Variants in CEP44 observed in about 807,000 individuals in gnomAD.
The protein encoded by CEP44 is centrosomal protein 44, also known as centrosomal protein of 44 kDa.
CEP44 carries 45 observed loss-of-function variants against 46.7 expected under a neutral mutation model. The ratio of observed to expected loss-of-function variants is 0.96; its 90% confidence interval spans 0.76 to 1.24. The LOEUF is 1.24. Among genes scored for constraint, CEP44 ranks in the 50% most tolerant of loss-of-function variants. The pLI is 0.00. For synonymous variants in CEP44, 142 were observed against 146.0 expected (o/e 0.97, Z 0.20); for missense variants, 475 against 459.7 (o/e 1.03, Z -0.30).
Position 174,319,730 on chromosome 4 carries a change from A to G in CEP44, c.*2347A>G. The G allele has an allele frequency of 1.2e-5, 11 of 888,592 alleles. No homozygotes were observed. Among genetic ancestry groups the G allele is most frequent in the Non-Finnish European group, 1.5e-5 (11 of 740,826 alleles). 55.0% of individuals were successfully genotyped at this position (888,592 alleles called of 1,614,324 possible). A position where few individuals can be genotyped will look rare whatever the true frequency, so the allele number is the denominator to read the frequency against. On this transcript the variant is annotated 3_prime_UTR_variant, in exon 12 of 12. Coordinates refer to ENST00000503780, the MANE Select transcript of CEP44 (RefSeq NM_001040157.3). The stretch of plus-strand genomic sequence containing the variant: ...CTTGTCTAACAACTCTCTAATAGGG[A>G]CTAAAAATCAACTCAATATATCATA...
chr4:174,313,508 T>C (rs2126651239), intron 9 of CEP44, among the ~76,000 whole-genome samples: 1 of 152,210 alleles, frequency 6.6e-6, no homozygotes, highest in Non-Finnish European at 1.5e-5. Flanking sequence ...GTCATGGAGT[T>C]TATCCCAGAG....
At position 174,318,607 on chromosome 4, in the gene CEP44, T is replaced by C; in HGVS notation, c.*1224T>C. The C allele has an allele frequency of 1.4e-6, 1 of 723,778 alleles. No individual in the cohort carries two copies. Among genetic ancestry groups the C allele is most frequent in the Non-Finnish European group, 1.7e-6 (1 of 592,262 alleles). 44.8% of individuals were successfully genotyped at this position (723,778 alleles called of 1,614,324 possible). ...CTTCATTATTTGGAAGGAAAATTAG[T>C]ATTTTTTTTAATATTATATGGACCA... On this transcript the variant is annotated 3_prime_UTR_variant, in exon 12 of 12. Coordinates refer to ENST00000503780, the MANE Select transcript of CEP44 (RefSeq NM_001040157.3).
At chr4:174,317,272 C>G in intron 11 of CEP44, 63 bp from the exon 12 acceptor site, 1 of 678,634 alleles carries the variant, frequency 1.5e-6, no homozygotes, top group Non-Finnish European at 2.2e-6. Flanking sequence ...ATTTCAACAA[C>G]TAAAATGCTA....
chr4:174,322,125 G>GT (rs555229029), downstream of CEP44, among the ~76,000 whole-genome samples: 38 of 152,204 alleles, frequency 2.5e-4, no homozygotes, highest in Middle Eastern at 3.4e-3. Context: ...ACATCAAAAT[G>GT]TTTAAAATTT....
chr4:174,315,946 GATA>G (rs1460971950), intron 9 of CEP44, among the ~76,000 whole-genome samples: 6 of 151,596 alleles, frequency 4.0e-5, no homozygotes, highest in Non-Finnish European at 7.4e-5. Context: ...TTGCTATCAT[GATA>G]ATAATACTGC....
At chr4:174,291,226 CTT>C (rs148240218) in intron 1 of CEP44, among the ~76,000 whole-genome samples, 4,919 of 151,808 alleles carry the variant, frequency 0.032, 154 homozygotes, top group African/African-American at 0.085. Context: ...CTGTTTTTCT[CTT>C]GTTTGTTGTC....
downstream of CEP44, among the ~76,000 whole-genome samples, chr4:174,322,228 T>C (rs930599144): frequency 3.9e-5 from 6 of 152,180 alleles, no homozygotes; most frequent in Non-Finnish European, 7.4e-5. Context: ...TTTCGCACCA[T>C]TTTTTAAAAT....
intron 1 of CEP44, among the ~76,000 whole-genome samples, chr4:174,291,793 T>TC (rs1387828388): frequency 1.3e-3 from 160 of 119,868 alleles, no homozygotes; most frequent in African/African-American, 5.4e-3. Context: ...TTTTCTTTTT[T>TC]TTTTTTTTTT....
At chr4:174,333,166 A>G (rs1324326404) in exon 9 of CEP44, 1 of 146,738 alleles carries the variant, frequency 6.8e-6, no homozygotes, top group East Asian at 2.0e-4. Context: ...TGTTATATTG[A>G]TATTGACAGA....
rs1254512903 is a variant in CEP44 at position 174,302,032 on chromosome 4, C to A, written c.90-7C>A. ...TATTAAAAATATTTTTCTTTTTTTCCTAACAGTTTGATAAAGGGAGACCCA... is the reference window on the plus strand; with the variant it reads ...TATTAAAAATATTTTTCTTTTTTTCATAACAGTTTGATAAAGGGAGACCCA... On this transcript the variant is annotated splice_polypyrimidine_tract_variant and splice_region_variant and intron_variant, in intron 3 of 11. Coordinates refer to ENST00000503780, the MANE Select transcript of CEP44 (RefSeq NM_001040157.3). 4 of 1,566,126 alleles carry A rather than the reference C, an allele frequency of 2.6e-6. No homozygotes were observed. In the African/African-American group the frequency reaches 5.6e-5, roughly 22 times the overall value.
In CEP44 at chr4:174,312,825, A is replaced by T. The variant is rs191779029; in HGVS notation, c.961+1967A>T. Among the ~76,000 whole-genome samples, 1 of 152,208 alleles carries T rather than the reference A, an allele frequency of 6.6e-6. No individual in the cohort carries two copies. The highest frequency in any genetic ancestry group is 1.5e-5 in the Non-Finnish European group (1 of 68,042). The stretch of plus-strand genomic sequence containing the variant: ...TGATTTCATTTGAATGCAGAGAGCA[A>T]TAATTTACTACTCTGGGTTTAGGAT... On this transcript the variant is annotated intron_variant, in intron 9 of 11. Transcript: ENST00000503780. The surrounding 1 kb of genome is among the most constrained non-coding windows in gnomAD (Gnocchi z 4.5).
In CEP44 at chr4:174,309,834, T is replaced by C. The variant is rs1162573970; in HGVS notation, c.679-16T>C. ...AGTTTGTTTAATTTTATTTTTAATCTCTCTAACCTTTTTAGGATGTAAATG... is the reference window on the plus strand; with the variant it reads ...AGTTTGTTTAATTTTATTTTTAATCCCTCTAACCTTTTTAGGATGTAAATG... On this transcript the variant is annotated splice_polypyrimidine_tract_variant and intron_variant, in intron 7 of 11. Transcript: ENST00000503780. This position sits in a 1 kb window ranked among gnomAD's most constrained non-coding sequence, Gnocchi z 5.3. 6.6e-7 allele frequency: 1 copy of C among 1,507,976 alleles called. No individual in the cohort carries two copies. The highest frequency in any genetic ancestry group is 2.3e-5 in the East Asian group (1 of 43,738). 93.4% of individuals were successfully genotyped at this position (1,507,976 alleles called of 1,614,324 possible). A position where few individuals can be genotyped will look rare whatever the true frequency, so the allele number is the denominator to read the frequency against.
chr4:174,320,197 G>T lies in CEP44; in HGVS notation c.*2814G>T. The T allele has an allele frequency of 1.0e-6, 1 of 985,168 alleles. No individual in the cohort carries two copies. Among genetic ancestry groups the T allele is most frequent in the Non-Finnish European group, 1.2e-6 (1 of 829,788 alleles). 61.0% of individuals were successfully genotyped at this position (985,168 alleles called of 1,614,324 possible). A position where few individuals can be genotyped will look rare whatever the true frequency, so the allele number is the denominator to read the frequency against. ...GGTTCAGAAGAAGTTAGCATCAACTGTATGAAAATTCTAGGTAAAGCTAAG... is the reference window on the plus strand; with the variant it reads ...GGTTCAGAAGAAGTTAGCATCAACTTTATGAAAATTCTAGGTAAAGCTAAG... On this transcript the variant is annotated 3_prime_UTR_variant, in exon 12 of 12. Coordinates refer to ENST00000503780, the MANE Select transcript of CEP44 (RefSeq NM_001040157.3).
chr4:174,322,109 T>C (rs777615980), downstream of CEP44, among the ~76,000 whole-genome samples: 6 of 152,258 alleles, frequency 3.9e-5, no homozygotes, highest in Non-Finnish European at 8.8e-5. Flanking sequence ...TGAAGATCAG[T>C]AACAAACATC....
chr4:174,288,686 A>G lies in CEP44; in HGVS notation c.-148+4743A>G, dbSNP rs1329352830. Among the ~76,000 whole-genome samples the G allele has an allele frequency of 2.6e-5, 4 of 152,150 alleles. No homozygotes were observed. Among genetic ancestry groups the G allele is most frequent in the Non-Finnish European group, 5.9e-5 (4 of 68,018 alleles). On this transcript the variant is annotated intron_variant, in intron 1 of 11. Coordinates refer to ENST00000503780, the MANE Select transcript of CEP44 (RefSeq NM_001040157.3). The surrounding 1 kb of genome is among the most constrained non-coding windows in gnomAD (Gnocchi z 4.6). ...GGTTTTCTACATCTAAGATCATGTC[A>G]TCTGCAAACAGATATTGTACCTCTT...
chr4:174,283,832 G>C (rs897141548), upstream of CEP44: 2 of 398,710 alleles, frequency 5.0e-6, no homozygotes, highest in African/African-American at 2.1e-5. The surrounding 1 kb of genome is among the most constrained non-coding windows in gnomAD (Gnocchi z 6.7). Context: ...ACTGGCCATT[G>C]AGGAGGCTCT....
chr4:174,327,423 GT>G (rs1165972777), intron 8 of CEP44, among the ~76,000 whole-genome samples: 2 of 151,588 alleles, frequency 1.3e-5, no homozygotes, highest in African/African-American at 2.4e-5. Flanking sequence ...AGTCTTGACA[GT>G]TTTTTTTCCC....
intron 3 of CEP44, among the ~76,000 whole-genome samples, chr4:174,300,299 T>C (rs1739565133): frequency 6.6e-6 from 1 of 152,122 alleles, no homozygotes; most frequent in African/African-American, 2.4e-5. Context: ...AAGTTGCTGT[T>C]ATTATAGGCA....
At chr4:174,300,330 A>G (rs747943738) in intron 3 of CEP44, among the ~76,000 whole-genome samples, 14 of 152,120 alleles carry the variant, frequency 9.2e-5, no homozygotes, top group Admixed American at 6.5e-5. Context: ...GAGGCAGAAG[A>G]TATGAAACAG....
Sources: allele counts gnomAD v4.1 joint callset (sites outside exome capture counted in the v4.1 genomes callset), GRCh38; gene constraint gnomAD v4.1.1; non-coding constraint Gnocchi (gnomAD v3.1); transcripts MANE v1.5; gene names NCBI Gene and HGNC (gene_info 2026-07-23, HGNC 2026-07-21).